FAT3: variants seen among roughly 807,000 people sequenced by gnomAD.
FAT3 encodes protocadherin Fat 3.
Under a neutral mutation model 310.2 loss-of-function variants are expected in FAT3, and 95 were observed. The ratio of observed to expected loss-of-function variants is 0.31; its 90% CI spans 0.26 to 0.36. FAT3 has a LOEUF of 0.36. Among genes scored for constraint, FAT3 ranks in the 10% least tolerant of loss-of-function variants. FAT3 has a pLI of 1.00. For missense variants in FAT3, 5,408 were observed against 5,715.6 expected (o/e 0.95, Z 1.74); for synonymous variants, 2,314 against 2,192.9 (o/e 1.06, Z -1.54).
At chr11:92,673,198 T>A (rs1009071080) in intron 3 of FAT3, among the ~76,000 whole-genome samples, 19 of 152,348 alleles carry the variant, frequency 1.2e-4, no homozygotes, top group African/African-American at 4.3e-4. Flanking sequence ...AATTAGGTTA[T>A]TTCCTCAATT....
chr11:92,281,039 C>T (rs1946406142), intron 1 of FAT3, among the ~76,000 whole-genome samples: 1 of 152,000 alleles, frequency 6.6e-6, no homozygotes, highest in African/African-American at 2.4e-5. Flanking sequence ...GCAAAAAATA[C>T]TGTATTTGAA....
chr11:92,751,290 C>G (rs148090147), intron 4 of FAT3, among the ~76,000 whole-genome samples: 15 of 152,262 alleles, frequency 9.9e-5, no homozygotes, highest in Middle Eastern at 3.4e-3. Context: ...ATAATCGCAT[C>G]TTACTCCAAG....
At chr11:92,582,310 G>A (rs954744988) in intron 3 of FAT3, among the ~76,000 whole-genome samples, 2 of 151,974 alleles carry the variant, frequency 1.3e-5, no homozygotes, top group African/African-American at 4.8e-5. Flanking sequence ...ATGCAGTCCA[G>A]TAGGTTTCAG....
intron 1 of FAT3, among the ~76,000 whole-genome samples, chr11:92,274,001 A>G (rs773957361): frequency 3.3e-5 from 5 of 152,126 alleles, no homozygotes; most frequent in Non-Finnish European, 5.9e-5. Flanking sequence ...TATAGCGCAT[A>G]ATGAAATGTC....
chr11:92,677,382 G>A (rs78040236), intron 3 of FAT3, among the ~76,000 whole-genome samples: 1,652 of 152,302 alleles, frequency 0.011, 30 homozygotes, highest in African/African-American at 0.037. Flanking sequence ...ATTTGCAAGA[G>A]GCTAAAATGA....
At chr11:92,361,194 A>C (rs1948873288) in intron 2 of FAT3, among the ~76,000 whole-genome samples, 1 of 152,172 alleles carries the variant, frequency 6.6e-6, no homozygotes, top group African/African-American at 2.4e-5. Flanking sequence ...TGATGTTCTC[A>C]AAGTGAGAGG....
Position 92,727,001 on chromosome 11 carries a change from C to T in FAT3, c.3669+29556C>T, listed in dbSNP as rs1291015581. ...AATGAACATTTACTAAAATACTGCT[C>T]TTATGACAAAATGAAAAAATTGTCA... On this transcript the variant is annotated intron_variant, in intron 4 of 27. Coordinates refer to ENST00000525166, the MANE Select transcript of FAT3 (RefSeq NM_001367949.2). 2.0e-5 allele frequency among the ~76,000 whole-genome samples: 3 copies of T among 152,050 alleles called. No individual in the cohort carries two copies. In the East Asian group the frequency reaches 5.8e-4, roughly 29 times the overall value.
chr11:92,558,734 G>A (rs1438740017), intron 3 of FAT3, among the ~76,000 whole-genome samples: 2 of 152,122 alleles, frequency 1.3e-5, no homozygotes, highest in African/African-American at 2.4e-5. Flanking sequence ...CCAAATAGCT[G>A]CTTTGCACCT....
chr11:92,497,571 C>G (rs1024933192), intron 2 of FAT3, among the ~76,000 whole-genome samples: 25 of 152,028 alleles, frequency 1.6e-4, no homozygotes, highest in Admixed American at 1.6e-3. Flanking sequence ...CTGGAGGTCA[C>G]ACAGCTACTT....
intron 2 of FAT3, among the ~76,000 whole-genome samples, chr11:92,438,273 A>AT (rs1211764695): frequency 6.6e-6 from 1 of 152,200 alleles, no homozygotes; most frequent in Non-Finnish European, 1.5e-5. Context: ...GTGATCTATG[A>AT]TTTTAAGTCT....
rs796485353 is a variant in FAT3 at position 92,798,960 on chromosome 11, A to G, written c.5947A>G (p.Thr1983Ala). 6.2e-7 allele frequency: 1 copy of G among 1,613,990 alleles called. No homozygotes were observed. The highest frequency in any genetic ancestry group is 1.7e-5 in the Admixed American group (1 of 60,020). Residue 1983 changes from threonine to alanine, a missense_variant, in exon 10 of 28, where the codon ACA (threonine) becomes GCA (alanine). Transcript: ENST00000525166. ...AGCCATGGACAGCGGCCTCCACTTTACACAAAGCTTCTATTCCACCTCAAT... is the reference window on the plus strand; with the variant it reads ...AGCCATGGACAGCGGCCTCCACTTTGCACAAAGCTTCTATTCCACCTCAAT... ...KEAMDSGLHF[T>A]QSFYSTSISE...
intron 2 of FAT3, among the ~76,000 whole-genome samples, chr11:92,517,564 CAA>C: frequency 6.6e-6 from 1 of 152,238 alleles, no homozygotes; most frequent in East Asian, 1.9e-4. Flanking sequence ...TAGGCATGGG[CAA>C]AGACTTCATG....
At chr11:92,673,303 AT>A (rs1943189398) in intron 3 of FAT3, among the ~76,000 whole-genome samples, 2 of 152,212 alleles carry the variant, frequency 1.3e-5, no homozygotes, top group African/African-American at 4.8e-5. Flanking sequence ...TAACTTAAGT[AT>A]CCAATTATGT....
At chr11:92,250,425 AT>A (rs1350118964) in intron 1 of FAT3, among the ~76,000 whole-genome samples, 1 of 152,130 alleles carries the variant, frequency 6.6e-6, no homozygotes, top group Non-Finnish European at 1.5e-5. Context: ...GGAAAGGCCT[AT>A]GCAGTTGTAC....
chr11:92,608,447 T>G (rs544076), intron 3 of FAT3, among the ~76,000 whole-genome samples: 85,154 of 151,748 alleles, frequency 0.56, 25,319 homozygotes, highest in African/African-American at 0.76. Flanking sequence ...GTTTTTAATA[T>G]AAAACTAAAT....
At chr11:92,583,313 T>C (rs1938919824) in intron 3 of FAT3, among the ~76,000 whole-genome samples, 1 of 152,024 alleles carries the variant, frequency 6.6e-6, no homozygotes, top group Admixed American at 6.6e-5. Context: ...GCTTTCTCCT[T>C]CTTTTGTCTT....
rs184108315 is a variant in FAT3, at chr11:92,769,014, C to A, written c.4195+3925C>A. On this transcript the variant is annotated intron_variant, in intron 6 of 27. Transcript: ENST00000525166. ...TTTTCCCCTGAGAGTAAAGTCGCCC[C>A]ATTTCTGCATTTCCAAATCTAGCCA... is the stretch of plus-strand genomic sequence containing the variant. 2.6e-5 allele frequency among the ~76,000 whole-genome samples: 4 copies of A among 152,288 alleles called. No homozygotes were observed. In the East Asian group the frequency reaches 7.7e-4, roughly 29 times the overall value.
chr11:92,374,698 G>A (rs1224555350), intron 2 of FAT3, among the ~76,000 whole-genome samples: 1 of 152,106 alleles, frequency 6.6e-6, no homozygotes, highest in Non-Finnish European at 1.5e-5. Context: ...GGTGTAAATG[G>A]ACCCCATCTC....
chr11:92,653,783 C>A (rs1319511793), intron 3 of FAT3, among the ~76,000 whole-genome samples: 1 of 152,154 alleles, frequency 6.6e-6, no homozygotes, highest in African/African-American at 2.4e-5. Context: ...AGCATTAATT[C>A]TTCAGTGAAT....
Sources: gnomAD v4.1 joint callset for allele counts (sites outside exome capture counted in the v4.1 genomes callset) on GRCh38, gnomAD v4.1.1 for gene constraint, MANE v1.5 for transcripts, NCBI Gene and HGNC (gene_info 2026-07-23, HGNC 2026-07-21) for gene names.